Variants in CCDC192 observed in about 807,000 individuals in gnomAD.
The protein encoded by CCDC192 is coiled-coil domain-containing protein 192.
chr5:127,873,250 A>G (rs1275055985), intron 5 of CCDC192, among the ~76,000 whole-genome samples: 2 of 152,234 alleles, frequency 1.3e-5, no homozygotes, highest in Non-Finnish European at 2.9e-5. Context: ...ATATCTGCAT[A>G]TGAATAGTTG....
At chr5:127,847,143 A>G (rs1024244882) in intron 5 of CCDC192, among the ~76,000 whole-genome samples, 2 of 152,210 alleles carry the variant, frequency 1.3e-5, no homozygotes, top group Non-Finnish European at 2.9e-5. Context: ...ATCTCTTGCT[A>G]TGCTTTGTGT....
intron 2 of CCDC192, among the ~76,000 whole-genome samples, chr5:127,741,435 G>T (rs75900461): frequency 6.6e-6 from 1 of 152,134 alleles, no homozygotes; most frequent in African/African-American, 2.4e-5. Flanking sequence ...ATTGCTTAAT[G>T]TGGGCTACAT....
chr5:127,721,595 C>T lies in CCDC192; in HGVS notation c.114+13835C>T, dbSNP rs557321392. ...TGCCCATTACTGAGTCCCAAAGCTG[C>T]TTCCACATTTTCAGGTATCTTTATA... On this transcript the variant is annotated intron_variant, in intron 2 of 6. Transcript: ENST00000514853. 2.0e-5 allele frequency among the ~76,000 whole-genome samples: 3 copies of T among 152,324 alleles called. No individual in the cohort carries two copies. The South Asian group carries it at 6.2e-4, about 32-fold the overall frequency.
At chr5:127,913,107 C>A (rs899557530) in intron 6 of CCDC192, among the ~76,000 whole-genome samples, 2 of 152,172 alleles carry the variant, frequency 1.3e-5, no homozygotes, top group African/African-American at 4.8e-5. Context: ...TGGGGTCAAG[C>A]AGATATGAAC....
At chr5:127,874,312 A>G (rs1313245336) in intron 5 of CCDC192, among the ~76,000 whole-genome samples, 21 of 152,186 alleles carry the variant, frequency 1.4e-4, no homozygotes, top group Admixed American at 1.4e-3. Context: ...CATGCCATTA[A>G]CTAAGCTTTA....
At chr5:127,721,351 G>A (rs1752010909) in intron 2 of CCDC192, among the ~76,000 whole-genome samples, 1 of 152,176 alleles carries the variant, frequency 6.6e-6, no homozygotes, top group Non-Finnish European at 1.5e-5. Context: ...CCAGAGCAGA[G>A]GCAAAATGCC....
At chr5:127,898,633 A>G (rs1752959526) in intron 6 of CCDC192, among the ~76,000 whole-genome samples, 1 of 152,132 alleles carries the variant, frequency 6.6e-6, no homozygotes, top group Non-Finnish European at 1.5e-5. Context: ...AACACAACAG[A>G]GCATGCAAGA....
At chr5:127,757,978 C>A (rs1489479358) in intron 3 of CCDC192, among the ~76,000 whole-genome samples, 1 of 151,620 alleles carries the variant, frequency 6.6e-6, no homozygotes, top group Non-Finnish European at 1.5e-5. Context: ...TATGGGCTAG[C>A]CGGGTGAAGT....
At chr5:127,719,416 C>CAT (rs60520857) in intron 2 of CCDC192, among the ~76,000 whole-genome samples, 3,038 of 141,354 alleles carry the variant, frequency 0.021, 104 homozygotes, top group African/African-American at 0.068. Context: ...TATATACATA[C>CAT]ATATATATAT....
chr5:127,755,036 A>G (rs1754496951), intron 3 of CCDC192, among the ~76,000 whole-genome samples: 2 of 152,264 alleles, frequency 1.3e-5, no homozygotes, highest in South Asian at 2.1e-4. Context: ...CAAATAGTGC[A>G]GCTATTGTTG....
At chr5:127,810,312 A>T (rs958770991) in intron 5 of CCDC192, among the ~76,000 whole-genome samples, 4 of 152,186 alleles carry the variant, frequency 2.6e-5, no homozygotes, top group Non-Finnish European at 4.4e-5. Flanking sequence ...AGCATGTAGG[A>T]TCCAAGGTCA....
intron 6 of CCDC192, among the ~76,000 whole-genome samples, chr5:127,913,590 A>C (rs1176301559): frequency 6.6e-6 from 1 of 152,242 alleles, no homozygotes; most frequent in African/African-American, 2.4e-5. Flanking sequence ...GGTCAAGTCT[A>C]TTTGAAAATT....
At chr5:127,718,428 G>T (rs1470210270) in intron 2 of CCDC192, among the ~76,000 whole-genome samples, 2 of 152,042 alleles carry the variant, frequency 1.3e-5, no homozygotes, top group African/African-American at 2.4e-5. Flanking sequence ...TCTCCATTTG[G>T]CTCCTTCAAA....
intron 6 of CCDC192, among the ~76,000 whole-genome samples, chr5:127,895,380 A>G (rs1326603054): frequency 6.6e-6 from 1 of 152,230 alleles, no homozygotes; most frequent in Non-Finnish European, 1.5e-5. Flanking sequence ...CAGAGAGATC[A>G]AAAGATTGAA....
At chr5:127,908,960 C>G (rs549533351) in intron 6 of CCDC192, among the ~76,000 whole-genome samples, 277 of 151,996 alleles carry the variant, frequency 1.8e-3, no homozygotes, top group African/African-American at 6.1e-3. Flanking sequence ...ATTTTTTGAC[C>G]AATGAAATGT....
intron 5 of CCDC192, among the ~76,000 whole-genome samples, chr5:127,851,881 T>A (rs992035082): frequency 6.6e-6 from 1 of 152,228 alleles, no homozygotes. Flanking sequence ...TAGCTATTGC[T>A]CTGTCTCAGA....
intron 6 of CCDC192, among the ~76,000 whole-genome samples, chr5:127,897,470 G>C (rs181589077): frequency 3.3e-5 from 5 of 152,300 alleles, no homozygotes; most frequent in East Asian, 1.9e-4. Context: ...GAAAGTTAAG[G>C]CTCTCGGGTT....
At chr5:127,764,044 A>G (rs1210382473) in intron 3 of CCDC192, among the ~76,000 whole-genome samples, 7 of 152,190 alleles carry the variant, frequency 4.6e-5, no homozygotes, top group Non-Finnish European at 7.3e-5. Context: ...CATATAACAC[A>G]TGGAAGAAGC....
At chr5:127,777,179 G>A (rs1484228424) in intron 3 of CCDC192, among the ~76,000 whole-genome samples, 4 of 152,230 alleles carry the variant, frequency 2.6e-5, no homozygotes, top group South Asian at 2.1e-4. Context: ...GCTGTATCCT[G>A]CAAAGCCACA....
Sources: gnomAD v4.1 joint callset for allele counts (sites outside exome capture counted in the v4.1 genomes callset) on GRCh38, gnomAD v4.1.1 for gene constraint, MANE v1.5 for transcripts, NCBI Gene and HGNC (gene_info 2026-07-23, HGNC 2026-07-21) for gene names.